The following ZBTB10 variants were observed in gnomAD, a reference collection of about 807,000 sequenced individuals.
The protein encoded by ZBTB10 is zinc finger and BTB domain-containing protein 10.
ZBTB10 carries 32 observed loss-of-function variants against 76.4 expected under a neutral mutation model. The observed-to-expected ratio is 0.42, with a 90% CI of 0.32 to 0.56. The LOEUF is 0.56. Ranked by LOEUF, ZBTB10 falls within the 20% of genes least tolerant of loss-of-function variation. The probability of loss-of-function intolerance (pLI) is 0.14; values close to 1 mark genes in which losing one functional copy is unlikely to be tolerated. For synonymous variants in ZBTB10, 523 were observed against 432.9 expected (o/e 1.21, Z -2.58); for missense variants, 1,057 against 1,098.5 (o/e 0.96, Z 0.53).
chr8:80,506,987 T>A (rs564147905), intron 2 of ZBTB10, among the ~76,000 whole-genome samples: 1 of 152,122 alleles, frequency 6.6e-6, no homozygotes, highest in Non-Finnish European at 1.5e-5. Flanking sequence ...ACTTATGTAT[T>A]TATTTATTTT....
chr8:80,489,877 C>T (rs1240080913), intron 1 of ZBTB10, among the ~76,000 whole-genome samples: 2 of 152,226 alleles, frequency 1.3e-5, no homozygotes, highest in East Asian at 3.9e-4. Context: ...TGGGTGTTTT[C>T]ACTTTGAATT....
chr8:80,491,593 G>GT (rs1815632575), intron 1 of ZBTB10, among the ~76,000 whole-genome samples: 1 of 152,158 alleles, frequency 6.6e-6, no homozygotes, highest in Non-Finnish European at 1.5e-5. Context: ...CTGAGTCTGT[G>GT]TTTTGAGCCT....
chr8:80,517,000 CTTA>C (rs1816339615), intron 3 of ZBTB10, among the ~76,000 whole-genome samples: 4 of 152,012 alleles, frequency 2.6e-5, no homozygotes, highest in Admixed American at 2.6e-4. Context: ...TGGGAGCATG[CTTA>C]TTATGGACGA....
At position 80,523,220 on chromosome 8, in the gene ZBTB10, C is replaced by T. The variant is rs1816483944; in HGVS notation, c.*3692C>T. The T allele has an allele frequency of 6.6e-6, 1 of 151,884 alleles. No homozygotes were observed. The highest frequency in any genetic ancestry group is 6.6e-5 in the Admixed American group (1 of 15,212). The allele number at this position is 151,884 out of a possible 1,614,324, so 9.4% of individuals were successfully genotyped here. A position where few individuals can be genotyped will look rare whatever the true frequency, so the allele number is the denominator to read the frequency against. On this transcript the variant is annotated 3_prime_UTR_variant, in exon 6 of 6. Transcript: ENST00000455036. ...TTTGACCACGTCTGATTCTGAAGCC[C>T]ATACTCTTTCAGGGAGGCTCTATTG...
At chr8:80,492,962 C>T (rs1042832747) in intron 1 of ZBTB10, among the ~76,000 whole-genome samples, 1 of 151,750 alleles carries the variant, frequency 6.6e-6, no homozygotes, top group Non-Finnish European at 1.5e-5. Context: ...GCCTGTAATC[C>T]CAGCACTTTG....
chr8:80,485,701 C>A, upstream of ZBTB10: 1 of 1,306,380 alleles, frequency 7.7e-7, no homozygotes, highest in Non-Finnish European at 1.0e-6. Flanking sequence ...AACCTCTTCG[C>A]GTGAAAGGCA....
intron 2 of ZBTB10, among the ~76,000 whole-genome samples, chr8:80,503,132 A>AC (rs1177935059): frequency 1.3e-5 from 2 of 152,060 alleles, no homozygotes; most frequent in Admixed American, 6.6e-5. Flanking sequence ...TGTGCCACCT[A>AC]CCCCCTGTAG....
intron 1 of ZBTB10, among the ~76,000 whole-genome samples, chr8:80,489,965 TATAA>T (rs1189658892): frequency 2.6e-5 from 4 of 152,224 alleles, no homozygotes; most frequent in Admixed American, 2.6e-4. Context: ...GTACCACCTA[TATAA>T]ATACCTGTTT....
chr8:80,492,643 T>C (rs1815660670), intron 1 of ZBTB10, among the ~76,000 whole-genome samples: 1 of 151,976 alleles, frequency 6.6e-6, no homozygotes, highest in East Asian at 2.0e-4. Flanking sequence ...CATGCTAGGC[T>C]AATTTTTGTA....
At chr8:80,497,837 A>G (rs918981409) in intron 1 of ZBTB10, among the ~76,000 whole-genome samples, 3 of 151,744 alleles carry the variant, frequency 2.0e-5, no homozygotes, top group African/African-American at 7.3e-5. Flanking sequence ...TAATGTTTGT[A>G]TTTTTAGTAG....
At chr8:80,515,224 G>GT (rs1816297897) in intron 3 of ZBTB10, among the ~76,000 whole-genome samples, 1 of 152,200 alleles carries the variant, frequency 6.6e-6, no homozygotes, top group African/African-American at 2.4e-5. Flanking sequence ...TAGAAAGCAT[G>GT]TATGTGTGTA....
At chr8:80,510,304 T>C (rs1468583453) in intron 2 of ZBTB10, among the ~76,000 whole-genome samples, 1 of 152,188 alleles carries the variant, frequency 6.6e-6, no homozygotes, top group Non-Finnish European at 1.5e-5. Context: ...ATTGCCTGCT[T>C]ATGTGCCAGG....
At position 80,499,787 on chromosome 8, in the gene ZBTB10, C is replaced by T. The variant is rs767079740; in HGVS notation, c.1266C>T (p.Asp422=). ...AAVQGFSVIL[D]FLYSGNLVLT... ...TTCAAGGTTTTTCAGTCATCTTGGA[C>T]TTCTTGTATTCTGGTAACCTGGTGC... The change falls in exon 2 of 6, where the codon GAC becomes GAT. Residue 422 remains aspartate (D), a synonymous_variant. Transcript: ENST00000455036. 6.2e-7 allele frequency: 1 copy of T among 1,614,004 alleles called. No individual in the cohort carries two copies. The highest frequency in any genetic ancestry group is 1.7e-5 in the Admixed American group (1 of 60,020).
At chr8:80,495,005 A>G (rs1585841889) in intron 1 of ZBTB10, among the ~76,000 whole-genome samples, 1 of 150,956 alleles carries the variant, frequency 6.6e-6, no homozygotes, top group Non-Finnish European at 1.5e-5. Flanking sequence ...ATAAATCTCC[A>G]CCTTGCTGCC....
chr8:80,485,760 G>A, upstream of ZBTB10: 1 of 1,531,074 alleles, frequency 6.5e-7, no homozygotes, highest in Non-Finnish European at 8.7e-7. Flanking sequence ...CACTTCCTTG[G>A]GCACCGCCAC....
At chr8:80,485,885 T>TGCGTGTGGGC, upstream of ZBTB10, 1 of 1,535,534 alleles carries the variant, frequency 6.5e-7, no homozygotes, top group Admixed American at 2.0e-5. Flanking sequence ...CGCGGGTAGG[T>TGCGTGTGGGC]GCGTGTGGGC....
Position 80,516,735 on chromosome 8 carries a change from A to G in ZBTB10, c.1961-1668A>G, listed in dbSNP as rs540696294. ...TAGTAATGATGTGCAGTTTTAAAAT[A>G]TTTTAGAGACATTTTTACTTTGTTG... On this transcript the variant is annotated intron_variant, in intron 3 of 5. Transcript: ENST00000455036. 3.9e-5 allele frequency among the ~76,000 whole-genome samples: 6 copies of G among 152,330 alleles called. No individual in the cohort carries two copies. The East Asian group carries it at 1.2e-3, about 29-fold the overall frequency.
chr8:80,493,207 G>GCGCGCGCGCACACACACACA (rs375071529), intron 1 of ZBTB10, among the ~76,000 whole-genome samples: 2 of 125,244 alleles, frequency 1.6e-5, no homozygotes, highest in South Asian at 2.9e-4. Flanking sequence ...GCGCGCGCGC[G>GCGCGCGCGCACACACACACA]CACACACACA....
intron 1 of ZBTB10, among the ~76,000 whole-genome samples, chr8:80,498,040 G>A (rs963636018): frequency 1.3e-5 from 2 of 152,110 alleles, no homozygotes; most frequent in Non-Finnish European, 2.9e-5. Flanking sequence ...GATGGACTGG[G>A]TTAGTTTCAG....
Sources: gnomAD v4.1 joint callset for allele counts (sites outside exome capture counted in the v4.1 genomes callset) on GRCh38, gnomAD v4.1.1 for gene constraint, MANE v1.5 for transcripts, NCBI Gene and HGNC (gene_info 2026-07-23, HGNC 2026-07-21) for gene names.